CILK1: variants seen among roughly 807,000 people sequenced by gnomAD.
CILK1 encodes serine/threonine-protein kinase ICK.
In CILK1, 47 loss-of-function variants were observed where a neutral mutation model predicts 79.2. The ratio of observed to expected loss-of-function variants is 0.59; its 90% CI spans 0.47 to 0.76. The LOEUF (loss-of-function observed/expected upper bound fraction) is 0.76, where lower values mean the gene tolerates loss of function less well. Ranked by LOEUF, CILK1 falls within the 30% of genes least tolerant of loss-of-function variation. CILK1 has a pLI of 0.00. For synonymous variants in CILK1, 266 were observed against 275.9 expected (o/e 0.96, Z 0.36); for missense variants, 660 against 769.5 (o/e 0.86, Z 1.68).
rs550990530 is a variant in CILK1, at chr6:53,003,776, C to G, written c.*1373G>C. 1 of 152,524 alleles carries G rather than the reference C, an allele frequency of 6.6e-6. No homozygotes were observed. Among genetic ancestry groups the G allele is most frequent in the African/African-American group, 2.4e-5 (1 of 41,506 alleles). The allele number at this position is 152,524 out of a possible 1,614,324, so 9.4% of individuals were successfully genotyped here. ...TACATATGGTTCAATTTGTCATTAT[C>G]CTGGAACCAATAGAGAGTAGTTTGA... On this transcript the variant is annotated 3_prime_UTR_variant, in exon 14 of 14. Coordinates refer to ENST00000676107, the MANE Select transcript of CILK1 (RefSeq NM_014920.5).
chr6:53,019,444 G>T, intron 5 of CILK1, 85 bp from the exon 6 acceptor site: 1 of 1,467,896 alleles, frequency 6.8e-7, no homozygotes, highest in Non-Finnish European at 9.4e-7. Context: ...CTGCAAAATA[G>T]TTATAATTTA....
chr6:53,034,222 C>G (rs1766158415), intron 3 of CILK1, among the ~76,000 whole-genome samples: 1 of 152,134 alleles, frequency 6.6e-6, no homozygotes, highest in Admixed American at 6.5e-5. Context: ...GGAGAGAATT[C>G]TAGGCAAGGA....
intron 4 of CILK1, among the ~76,000 whole-genome samples, chr6:53,031,374 A>G (rs577246199): frequency 5.6e-4 from 85 of 152,332 alleles, no homozygotes; most frequent in African/African-American, 2.0e-3. Context: ...GATACAAACT[A>G]AAACTTTAAA....
At chr6:53,014,064 G>T in intron 8 of CILK1, 82 bp from the exon 9 acceptor site, 1 of 1,110,786 alleles carries the variant, frequency 9.0e-7, no homozygotes, top group Non-Finnish European at 1.4e-6. Context: ...ATATTTCATT[G>T]TGACCAGTTT....
intron 1 of CILK1, among the ~76,000 whole-genome samples, chr6:53,044,555 C>G (rs1379690118): frequency 6.6e-6 from 1 of 152,046 alleles, no homozygotes; most frequent in Admixed American, 6.6e-5. Context: ...GTGGGTAGAA[C>G]AAAAATTTTG....
rs1662932712 is a variant in CILK1 at position 53,012,070 on chromosome 6, T to C, written c.1310A>G (p.Asn437Ser). Residue 437 changes from asparagine (N) to serine (S), a missense_variant, in exon 10 of 14, where the codon AAC becomes AGC. Physicochemically the swap from Asn to Ser is conservative, Grantham distance 46. Transcript: ENST00000676107. The stretch of plus-strand genomic sequence containing the variant: ...AGTGTCATCACTCTGTCTTTTCTTG[T>C]TTTTCAGGTCAATCCTGCTGAGGGA... ...SPSLSRIDLKNKKRQSDDTLC... is the reference protein window; with the variant it reads ...SPSLSRIDLKSKKRQSDDTLC... 1 of 1,614,206 alleles carries C rather than the reference T, an allele frequency of 6.2e-7. No individual in the cohort carries two copies. The highest frequency in any genetic ancestry group is 8.5e-7 in the Non-Finnish European group (1 of 1,180,032).
rs1486293848 is a variant in CILK1, at chr6:53,002,396, A to T, written c.*2753T>A. The T allele has an allele frequency of 6.6e-6, 1 of 152,238 alleles. No individual in the cohort carries two copies. Among genetic ancestry groups the T allele is most frequent in the Non-Finnish European group, 1.5e-5 (1 of 68,042 alleles). The allele number at this position is 152,238 out of a possible 1,614,324, so 9.4% of individuals were successfully genotyped here. ...AGGTATAGTCCTGATAGGTACAGTT[A>T]CAGGTATATCATTTCTGTTGGTGTC... On this transcript the variant is annotated 3_prime_UTR_variant, in exon 14 of 14. Coordinates refer to ENST00000676107, the MANE Select transcript of CILK1 (RefSeq NM_014920.5).
At chr6:53,037,203 C>T (rs1766398310) in intron 3 of CILK1, among the ~76,000 whole-genome samples, 1 of 152,124 alleles carries the variant, frequency 6.6e-6, no homozygotes, top group East Asian at 1.9e-4. Flanking sequence ...GCATGTAAAA[C>T]TCAATGTGAT....
intron 1 of CILK1, among the ~76,000 whole-genome samples, chr6:53,045,637 G>T (rs1767016498): frequency 6.6e-6 from 1 of 152,056 alleles, no homozygotes; most frequent in South Asian, 2.1e-4. Flanking sequence ...TGTATTAAAT[G>T]TATTTTTGAC....
chr6:53,037,918 C>T lies in CILK1; in HGVS notation c.156+21G>A, dbSNP rs563772127. ...CTATTTTAATCATCCATAAATTATT[C>T]CTTGGTATATTAATATATACCTTAA... On this transcript the variant is annotated intron_variant, in intron 3 of 13. Transcript: ENST00000676107. 5.2e-6 allele frequency: 7 copies of T among 1,344,834 alleles called. No homozygotes were observed. The African/African-American group carries it at 7.2e-5, about 14-fold the overall frequency. 83.3% of individuals were successfully genotyped at this position (1,344,834 alleles called of 1,614,324 possible).
chr6:53,053,398 G>A (rs1767625440), intron 1 of CILK1, among the ~76,000 whole-genome samples: 1 of 152,132 alleles, frequency 6.6e-6, no homozygotes, highest in Non-Finnish European at 1.5e-5. Flanking sequence ...TATCAAATAT[G>A]CCCAAAACAT....
intron 5 of CILK1, among the ~76,000 whole-genome samples, chr6:53,021,509 T>C: frequency 6.6e-6 from 1 of 152,154 alleles, no homozygotes; most frequent in East Asian, 1.9e-4. Flanking sequence ...AAACCATCCA[T>C]GACTCCTTTT....
chr6:53,024,734 A>AG (rs998269351), intron 5 of CILK1, among the ~76,000 whole-genome samples: 27 of 152,028 alleles, frequency 1.8e-4, no homozygotes, highest in Non-Finnish European at 1.5e-5. Flanking sequence ...TCATGGTGGC[A>AG]GGGGGCGGTA....
chr6:53,009,118 G>A (rs1475964103), intron 12 of CILK1, among the ~76,000 whole-genome samples: 8 of 152,242 alleles, frequency 5.3e-5, no homozygotes, highest in Non-Finnish European at 1.2e-4. Context: ...CACCTCAAGA[G>A]GAGGGTGCCT....
At chr6:53,047,237 T>C (rs1202711541) in intron 1 of CILK1, among the ~76,000 whole-genome samples, 4 of 152,054 alleles carry the variant, frequency 2.6e-5, no homozygotes, top group East Asian at 3.9e-4. Context: ...TTGCAGGAAA[T>C]AGCTAGAAAG....
chr6:53,035,497 A>G (rs956517494), intron 3 of CILK1, among the ~76,000 whole-genome samples: 4 of 152,166 alleles, frequency 2.6e-5, no homozygotes, highest in African/African-American at 9.7e-5. Flanking sequence ...ATGTAAGACT[A>G]TGCTTCTAAG....
chr6:53,028,146 CA>C lies in CILK1; in HGVS notation c.358+2918del, dbSNP rs59053012. On this transcript the variant is annotated intron_variant, in intron 5 of 13. Transcript: ENST00000676107. ...TGGGTGACATAGCGAGACTCCGTCT[CA>C]AAAAAAAAAAAAAAAAAAATTAGCC... Among the ~76,000 whole-genome samples the C allele has an allele frequency of 7.5e-3, 476 of 63,438 alleles. 3 individuals carry two copies. The highest frequency in any genetic ancestry group is 0.022 in the South Asian group (36 of 1,636). 41.6% of individuals were successfully genotyped at this position (63,438 alleles called of 152,430 possible).
At position 53,011,815 on chromosome 6, in the gene CILK1, T is replaced by A. The variant is rs1764585748; in HGVS notation, c.1446A>T (p.Arg482Ser). ...TCAAATAGTGCTGCTTGGCTGCAGA[T>A]CTCAGGGTGGGCGTGTCTCGCCGCT... ...SYQRRDTPTL[R>S]SAAKQHYLKH... The change falls in exon 11 of 14, where the codon AGA (arginine) becomes AGT (serine). Residue 482 changes from arginine to serine, a missense_variant. Coordinates refer to ENST00000676107, the MANE Select transcript of CILK1 (RefSeq NM_014920.5). 1 of 1,614,032 alleles carries A rather than the reference T, an allele frequency of 6.2e-7. No individual in the cohort carries two copies. Among genetic ancestry groups the A allele is most frequent in the Non-Finnish European group, 8.5e-7 (1 of 1,180,020 alleles).
At chr6:53,036,036 T>C (rs1344765300) in intron 3 of CILK1, among the ~76,000 whole-genome samples, 1 of 152,132 alleles carries the variant, frequency 6.6e-6, no homozygotes, top group Non-Finnish European at 1.5e-5. Flanking sequence ...GGGAGTTGTC[T>C]GGTGGTCATC....
Sources: gnomAD v4.1 joint callset for allele counts (sites outside exome capture counted in the v4.1 genomes callset) on GRCh38, gnomAD v4.1.1 for gene constraint, MANE v1.5 for transcripts, NCBI Gene and HGNC (gene_info 2026-07-23, HGNC 2026-07-21) for gene names.